Variants in SLC5A12 observed in about 807,000 individuals in gnomAD.
The protein encoded by SLC5A12 is sodium-coupled monocarboxylate transporter 2.
SLC5A12 carries 46 observed loss-of-function variants against 72.7 expected under a neutral mutation model. The observed-to-expected ratio is 0.63, with a 90% CI of 0.50 to 0.81. The LOEUF (loss-of-function observed/expected upper bound fraction) is 0.81. Ranked by LOEUF, SLC5A12 falls within the 30% of genes least tolerant of loss-of-function variation. The pLI is 0.00. For synonymous variants in SLC5A12, 275 were observed against 264.4 expected (o/e 1.04, Z -0.39); for missense variants, 683 against 740.7 (o/e 0.92, Z 0.90).
chr11:26,719,692 C>T (rs1855433216), intron 1 of SLC5A12, among the ~76,000 whole-genome samples: 1 of 152,132 alleles, frequency 6.6e-6, no homozygotes, highest in Non-Finnish European at 1.5e-5. Flanking sequence ...CAATTATTTG[C>T]TTTCTTCCAG....
chr11:26,706,240 G>C (rs1347569286), intron 4 of SLC5A12, among the ~76,000 whole-genome samples: 1 of 141,750 alleles, frequency 7.1e-6, no homozygotes, highest in Non-Finnish European at 1.5e-5. Flanking sequence ...GAGATTATAT[G>C]GGTAGATTGG....
At chr11:26,675,637 T>C (rs1854247388) in intron 13 of SLC5A12, among the ~76,000 whole-genome samples, 5 of 152,142 alleles carry the variant, frequency 3.3e-5, no homozygotes, top group Admixed American at 1.3e-4. Flanking sequence ...AGGAAATGTC[T>C]CTAGATGTAT....
rs181828400 is a variant in SLC5A12, at chr11:26,668,528, C to A, written c.*2574G>T. 56 of 152,094 alleles carry A rather than the reference C, an allele frequency of 3.7e-4. No homozygotes were observed. The highest frequency in any genetic ancestry group is 6.2e-4 in the Non-Finnish European group (42 of 68,042). 9.4% of individuals were successfully genotyped at this position (152,094 alleles called of 1,614,324 possible). On this transcript the variant is annotated 3_prime_UTR_variant, in exon 15 of 15. Coordinates refer to ENST00000396005, the MANE Select transcript of SLC5A12 (RefSeq NM_178498.4). ...CTGGGCTGCTAATCCTAGTGAGGGCCTGAAAGGAGTGCTGGGACTCACTAG... is the reference window on the plus strand; with the variant it reads ...CTGGGCTGCTAATCCTAGTGAGGGCATGAAAGGAGTGCTGGGACTCACTAG...
At chr11:26,684,999 A>T (rs1422141978) in intron 10 of SLC5A12, among the ~76,000 whole-genome samples, 3 of 152,180 alleles carry the variant, frequency 2.0e-5, no homozygotes, top group African/African-American at 7.2e-5. Context: ...GAGTGCTTCA[A>T]ACATTATGAA....
At chr11:26,722,096 A>AT (rs1490734616), upstream of SLC5A12, 8 of 175,598 alleles carry the variant, frequency 4.6e-5, no homozygotes, top group Middle Eastern at 2.4e-3. Flanking sequence ...TATCTCTTAG[A>AT]TTTTTTTTAA....
At chr11:26,714,977 G>T (rs1221588017) in intron 1 of SLC5A12, among the ~76,000 whole-genome samples, 1 of 152,050 alleles carries the variant, frequency 6.6e-6, no homozygotes, top group Non-Finnish European at 1.5e-5. Flanking sequence ...TACAGAGGAA[G>T]GGAAGTCAGT....
At chr11:26,703,977 A>G (rs201974458) in intron 4 of SLC5A12, 30 bp from the exon 5 acceptor site, 1 of 1,611,960 alleles carries the variant, frequency 6.2e-7, no homozygotes, top group African/African-American at 1.3e-5. Flanking sequence ...TGAGTCCTTG[A>G]AAACAAACCC....
chr11:26,710,543 T>C (rs563697022), intron 3 of SLC5A12, among the ~76,000 whole-genome samples: 2 of 152,154 alleles, frequency 1.3e-5, no homozygotes, highest in African/African-American at 2.4e-5. Flanking sequence ...GCCATTCTAA[T>C]TGGCATGAGA....
chr11:26,686,231 C>G (rs1393133324), intron 10 of SLC5A12, among the ~76,000 whole-genome samples: 1 of 152,116 alleles, frequency 6.6e-6, no homozygotes, highest in East Asian at 1.9e-4. Flanking sequence ...TAGTTTTAAT[C>G]GTTTCTCCTT....
At position 26,695,094 on chromosome 11, in the gene SLC5A12, AT is replaced by A. The variant is rs200189901; in HGVS notation, c.1040+2069del. 1.0e-2 allele frequency among the ~76,000 whole-genome samples: 1,515 copies of A among 152,092 alleles called. 26 individuals are homozygous for A. Among genetic ancestry groups the A allele is most frequent in the African/African-American group, 0.033 (1,353 of 41,546 alleles). ...AAACTCCAAAGAATCAACTAAAAAT[AT>A]TTTTTTAAAACCCCTAGATATCAGG... On this transcript the variant is annotated intron_variant, in intron 8 of 14. Transcript: ENST00000396005.
intron 6 of SLC5A12, among the ~76,000 whole-genome samples, chr11:26,699,206 T>C (rs1854900112): frequency 6.6e-6 from 1 of 152,200 alleles, no homozygotes; most frequent in Non-Finnish European, 1.5e-5. Context: ...TTTTACTAAT[T>C]TCCTCAATTC....
chr11:26,670,954 A>G lies in SLC5A12; in HGVS notation c.*148T>C. 1 of 639,906 alleles carries G rather than the reference A, an allele frequency of 1.6e-6. No individual in the cohort carries two copies. The highest frequency in any genetic ancestry group is 3.8e-5 in the South Asian group (1 of 25,982). 39.6% of individuals were successfully genotyped at this position (639,906 alleles called of 1,614,324 possible). On this transcript the variant is annotated 3_prime_UTR_variant, in exon 15 of 15. Transcript: ENST00000396005. Reference sequence around the variant, plus strand: ...AGAGACAGTCATTTTGCATGTAGTTATAAATAAGTAGAAATAGGCACCAGA... The same window carrying G: ...AGAGACAGTCATTTTGCATGTAGTTGTAAATAAGTAGAAATAGGCACCAGA...
intron 10 of SLC5A12, among the ~76,000 whole-genome samples, 183 bp from the exon 11 acceptor site, chr11:26,684,026 GTA>G (rs1040759971): frequency 7.7e-5 from 9 of 116,438 alleles, no homozygotes; most frequent in South Asian, 3.3e-4. Context: ...CTGTATTTAT[GTA>G]TGTGTGTGTG....
intron 1 of SLC5A12, among the ~76,000 whole-genome samples, chr11:26,714,165 A>G (rs1855295429): frequency 6.6e-6 from 1 of 152,076 alleles, no homozygotes; most frequent in Non-Finnish European, 1.5e-5. Context: ...CTGGATATAT[A>G]CTGGGGAAGG....
At chr11:26,709,485 C>G in intron 3 of SLC5A12, 106 bp from the exon 4 acceptor site, 1 of 786,268 alleles carries the variant, frequency 1.3e-6, no homozygotes, top group South Asian at 1.9e-5. Context: ...TCTTTGTAGG[C>G]AAAAATAAAA....
intron 3 of SLC5A12, 95 bp downstream of exon 3, chr11:26,711,212 T>A: frequency 2.0e-6 from 2 of 1,012,188 alleles, no homozygotes; most frequent in Non-Finnish European, 3.1e-6. Flanking sequence ...ACCAGAAGAA[T>A]ATCTCCCCAA....
chr11:26,690,645 C>CAAA (rs1854645510), intron 9 of SLC5A12, among the ~76,000 whole-genome samples: 1 of 82,536 alleles, frequency 1.2e-5, no homozygotes, highest in African/African-American at 6.4e-5. Context: ...ACCACCTCTA[C>CAAA]TAAAAAAAAA....
intron 1 of SLC5A12, among the ~76,000 whole-genome samples, chr11:26,720,793 G>A (rs2133231017): frequency 1.1e-5 from 1 of 94,078 alleles, no homozygotes; most frequent in East Asian, 3.4e-4. Context: ...GTATTATTTA[G>A]CAATTCCTTT....
chr11:26,714,227 T>G (rs1565203741), intron 1 of SLC5A12, among the ~76,000 whole-genome samples: 1 of 152,182 alleles, frequency 6.6e-6, no homozygotes, highest in Non-Finnish European at 1.5e-5. Flanking sequence ...CAAGTACTGT[T>G]CTATTTTATT....
Sources: gnomAD v4.1 joint callset for allele counts (sites outside exome capture counted in the v4.1 genomes callset) on GRCh38, gnomAD v4.1.1 for gene constraint, MANE v1.5 for transcripts, NCBI Gene and HGNC (gene_info 2026-07-23, HGNC 2026-07-21) for gene names.